TRPC5: variants seen among roughly 807,000 people sequenced by gnomAD.
TRPC5 encodes the protein transient receptor potential cation channel subfamily C member 5, also known as short transient receptor potential channel 5.
Under a neutral mutation model 56.5 loss-of-function variants are expected in TRPC5, and 9 were observed. That is an observed-to-expected ratio of 0.16 (90% CI 0.10 to 0.28). TRPC5 has a LOEUF of 0.28. Ranked by LOEUF, TRPC5 falls within the 10% of genes least tolerant of loss-of-function variation. The probability of loss-of-function intolerance (pLI) is 1.00; values close to 1 mark genes in which losing one functional copy is unlikely to be tolerated. For synonymous variants in TRPC5, 282 were observed against 278.5 expected (o/e 1.01, Z -0.13); for missense variants, 469 against 748.9 (o/e 0.63, Z 4.36).
chrX:112,060,362 G>T (rs1930433042), intron 1 of TRPC5, among the ~76,000 whole-genome samples: 2 of 112,106 alleles, frequency 1.8e-5, no homozygotes, highest in Non-Finnish European at 3.8e-5. Context: ...TAAAACAAGA[G>T]TAAATAAAAG....
At chrX:111,916,750 G>A (rs751952259) in intron 2 of TRPC5, among the ~76,000 whole-genome samples, 4 of 112,245 alleles carry the variant, frequency 3.6e-5, no homozygotes, top group African/African-American at 6.5e-5. Flanking sequence ...AAAAGAAGCC[G>A]GAAACATGGA....
intron 7 of TRPC5, among the ~76,000 whole-genome samples, chrX:111,800,346 T>A (rs1406284155): frequency 8.9e-6 from 1 of 112,098 alleles, no homozygotes; most frequent in African/African-American, 3.2e-5. Flanking sequence ...CCTTACTTCA[T>A]CATAAGAATA....
At chrX:111,839,501 TA>T (rs1417652937) in intron 6 of TRPC5, among the ~76,000 whole-genome samples, 2 of 111,798 alleles carry the variant, frequency 1.8e-5, no homozygotes, top group Non-Finnish European at 3.8e-5. Context: ...TACTAATTGC[TA>T]ACATTTATTG....
chrX:111,948,192 T>G (rs936094267), intron 2 of TRPC5, among the ~76,000 whole-genome samples: 2 of 111,291 alleles, frequency 1.8e-5, no homozygotes, highest in Non-Finnish European at 3.8e-5. Context: ...AGTTTTTTTT[T>G]GTCCCTACTA....
intron 7 of TRPC5, among the ~76,000 whole-genome samples, chrX:111,829,397 A>G (rs1437197691): frequency 3.6e-5 from 4 of 110,761 alleles, no homozygotes; most frequent in Non-Finnish European, 7.6e-5. Context: ...AATTCAAGCC[A>G]GCTGGATAAA....
chrX:112,027,092 C>A (rs890380523), intron 1 of TRPC5, among the ~76,000 whole-genome samples: 1 of 111,702 alleles, frequency 9.0e-6, no homozygotes, highest in African/African-American at 3.2e-5. Flanking sequence ...TCCTGAGACT[C>A]TGAACTTGCC....
At chrX:111,847,711 C>T (rs754197749) in intron 5 of TRPC5, among the ~76,000 whole-genome samples, 1 of 111,916 alleles carries the variant, frequency 8.9e-6, no homozygotes, top group African/African-American at 3.2e-5. Context: ...GCAGCAACCA[C>T]CTGTGGCTTA....
In TRPC5 at chrX:111,773,860, T is replaced by G. The variant is rs753349043; in HGVS notation, c.*2453A>C. Among the ~76,000 whole-genome samples, 1 of 111,921 alleles carries G rather than the reference T, an allele frequency of 8.9e-6. No individual in the cohort carries two copies. The highest frequency in any genetic ancestry group is 2.8e-4 in the East Asian group (1 of 3,583). On this transcript the variant is annotated 3_prime_UTR_variant, in exon 11 of 11. Transcript: ENST00000262839. ...TTTTCACTTGAAATACCTTTTATGA[T>G]ACTTGATCAAGAGAGTAAGGAAGTG...
intron 7 of TRPC5, among the ~76,000 whole-genome samples, chrX:111,822,265 A>T (rs1922056883): frequency 9.0e-6 from 1 of 111,260 alleles, no homozygotes; most frequent in African/African-American, 3.3e-5. Context: ...GGAAAACCTG[A>T]TCTTAATAAG....
In TRPC5 at chrX:112,024,845, T is replaced by TCC. The variant is rs1490807991; in HGVS notation, c.-22+57033_-22+57034insGG. Among the ~76,000 whole-genome samples the TCC allele has an allele frequency of 1.2e-4, 13 of 112,159 alleles. No individual in the cohort carries two copies. In the East Asian group the frequency reaches 3.7e-3, roughly 32 times the overall value. On this transcript the variant is annotated intron_variant, in intron 1 of 10. Transcript: ENST00000262839. ...TGACTCAATTTATGTGTGACATGAC[T>TCC]TTGGGTAAGTCACCTCCCTGGGATT...
In TRPC5 at chrX:111,884,239, C is replaced by A. The variant is rs1603074971; in HGVS notation, c.900+28052G>T. Among the ~76,000 whole-genome samples the A allele has an allele frequency of 2.7e-5, 3 of 112,573 alleles. 1 individual carries two copies. The Admixed American group carries it at 2.8e-4, about 11-fold the overall frequency. On this transcript the variant is annotated intron_variant, in intron 3 of 10. Transcript: ENST00000262839. ...GGTATTATCAGAGTATTTTTAAGGA[C>A]TATTCATGTCCTAAGCCTAGTTTAT...
At chrX:111,810,571 A>G (rs188607124) in intron 7 of TRPC5, among the ~76,000 whole-genome samples, 249 of 109,360 alleles carry the variant, frequency 2.3e-3, no homozygotes, top group Non-Finnish European at 3.9e-3. Flanking sequence ...GCATAATTAA[A>G]CTCTATCAAT....
At chrX:111,809,160 T>G (rs983916696) in intron 7 of TRPC5, among the ~76,000 whole-genome samples, 5 of 110,979 alleles carry the variant, frequency 4.5e-5, no homozygotes, top group Non-Finnish European at 9.4e-5. Flanking sequence ...CCCCTGCTGG[T>G]GTCTCACTAG....
intron 2 of TRPC5, among the ~76,000 whole-genome samples, chrX:111,926,596 G>C (rs1926264578): frequency 9.0e-6 from 1 of 111,569 alleles, no homozygotes; most frequent in Non-Finnish European, 1.9e-5. Context: ...AAATGTCTTA[G>C]CAACGAGCAG....
intron 3 of TRPC5, 76 bp from the exon 4 acceptor site, chrX:111,854,182 T>G: frequency 9.5e-7 from 1 of 1,051,374 alleles, no homozygotes; most frequent in Non-Finnish European, 1.3e-6. Flanking sequence ...CTTTCCTAGT[T>G]TACAGTCAGC....
At chrX:112,011,598 G>A (rs1928994152) in intron 1 of TRPC5, among the ~76,000 whole-genome samples, 1 of 111,866 alleles carries the variant, frequency 8.9e-6, no homozygotes, top group African/African-American at 3.3e-5. Context: ...GCTTTGGCAT[G>A]CTAGGGCTTC....
At chrX:112,052,939 C>T (rs188576564) in intron 1 of TRPC5, among the ~76,000 whole-genome samples, 4 of 111,778 alleles carry the variant, frequency 3.6e-5, no homozygotes, top group South Asian at 3.7e-4. Context: ...ATTCTGGGTA[C>T]TCTATTCTAT....
At chrX:112,051,893 G>A (rs1232933127) in intron 1 of TRPC5, among the ~76,000 whole-genome samples, 2 of 111,797 alleles carry the variant, frequency 1.8e-5, no homozygotes, top group African/African-American at 3.3e-5. Context: ...TTTTCCGAGC[G>A]GCTTATTTCA....
At chrX:111,814,423 G>A (rs781713404) in intron 7 of TRPC5, among the ~76,000 whole-genome samples, 12 of 111,020 alleles carry the variant, frequency 1.1e-4, no homozygotes, top group Middle Eastern at 4.7e-3. Context: ...CTTTGAGATT[G>A]GTTTAGCTAG....
Sources: allele counts gnomAD v4.1 joint callset (sites outside exome capture counted in the v4.1 genomes callset), GRCh38; gene constraint gnomAD v4.1.1; transcripts MANE v1.5; gene names NCBI Gene and HGNC (gene_info 2026-07-23, HGNC 2026-07-21).